Variants in LIMD1 observed in about 807,000 individuals in gnomAD.
The protein encoded by LIMD1 is LIM domain-containing protein 1.
LIMD1 carries 23 observed loss-of-function variants against 58.4 expected under a neutral mutation model. That is an observed-to-expected ratio of 0.39 (90% CI 0.28 to 0.56). LIMD1 has a LOEUF of 0.56. Ranked by LOEUF, LIMD1 falls within the 20% of genes least tolerant of loss-of-function variation. The pLI is 0.57. For synonymous variants in LIMD1, 334 were observed against 345.5 expected (o/e 0.97, Z 0.37); for missense variants, 838 against 855.5 (o/e 0.98, Z 0.25).
intron 1 of LIMD1, among the ~76,000 whole-genome samples, chr3:45,624,318 TG>T (rs1181449678): frequency 2.6e-5 from 4 of 152,012 alleles, no homozygotes; most frequent in Non-Finnish European, 5.9e-5. Context: ...CCTTCTTCAC[TG>T]AGAGGGAAGT....
chr3:45,649,759 T>TTA lies in LIMD1; in HGVS notation c.1510+13517_1510+13518dup, dbSNP rs570443903. ...ATATATTTATATATAATTATATATT[T>TTA]TATATATATAATTATATATATAAAA... On this transcript the variant is annotated intron_variant, in intron 2 of 7. Transcript: ENST00000273317. 7.7e-4 allele frequency among the ~76,000 whole-genome samples: 113 copies of TTA among 146,126 alleles called. 1 individual carries two copies. The highest frequency in any genetic ancestry group is 2.7e-3 in the African/African-American group (110 of 40,332).
intron 2 of LIMD1, among the ~76,000 whole-genome samples, chr3:45,640,469 C>T (rs1559520528): frequency 6.6e-6 from 1 of 152,066 alleles, no homozygotes; most frequent in African/African-American, 2.4e-5. Flanking sequence ...ACTCTGTTGC[C>T]CAGGCTGGAG....
rs1186483865 is a variant in LIMD1 at position 45,595,810 on chromosome 3, C to A, written c.931C>A (p.Leu311Ile). The A allele has an allele frequency of 6.2e-7, 1 of 1,614,202 alleles. No homozygotes were observed. Among genetic ancestry groups the A allele is most frequent in the Admixed American group, 1.7e-5 (1 of 60,032 alleles). ...CCTGAGCTGCCCCAGGCAAGGAGGT[C>A]TTCCAAGATCAAACTCGGGGCTGGG... ...LALSCPRQGG[L>I]PRSNSGLGGE... The change falls in exon 1 of 8, where the codon CTT becomes ATT. Residue 311 changes from leucine to isoleucine, a missense_variant. Physicochemically the swap from Leu to Ile is conservative, Grantham distance 5 (BLOSUM62 2). This residue lies in a region of LIMD1 where 659 missense variants were observed against 639.8 expected (regional missense o/e 1.03). Coordinates refer to ENST00000273317, the MANE Select transcript of LIMD1 (RefSeq NM_014240.3).
chr3:45,645,308 C>A (rs945217561), intron 2 of LIMD1, among the ~76,000 whole-genome samples: 1 of 152,200 alleles, frequency 6.6e-6, no homozygotes, highest in Non-Finnish European at 1.5e-5. Context: ...CAGTCAGAGG[C>A]CAGGAAGTCC....
chr3:45,673,645 G>A, intron 6 of LIMD1, 140 bp downstream of exon 6: 3 of 755,824 alleles, frequency 4.0e-6, no homozygotes, highest in African/African-American at 2.1e-5. Context: ...TGGTGCAGTG[G>A]CTCACGCCTG....
rs1192805930 is a variant in LIMD1, at chr3:45,595,203, T to C, written c.324T>C (p.Ala108=). ...TVDGAAKPPL[A]ASTGAPGAVT... The stretch of plus-strand genomic sequence containing the variant: ...ATGGTGCTGCCAAGCCTCCTCTTGC[T>C]GCCTCGACAGGGGCACCTGGGGCAG... Residue 108 remains alanine (A), a synonymous_variant, in exon 1 of 8, where the codon GCT becomes GCC. Transcript: ENST00000273317. The C allele has an allele frequency of 6.2e-7, 1 of 1,602,366 alleles. No individual in the cohort carries two copies. The highest frequency in any genetic ancestry group is 1.7e-5 in the Admixed American group (1 of 59,608).
chr3:45,614,324 G>A (rs1701556401), intron 1 of LIMD1, among the ~76,000 whole-genome samples: 2 of 150,808 alleles, frequency 1.3e-5, no homozygotes, highest in African/African-American at 4.9e-5. Flanking sequence ...TCAGGAGATC[G>A]AGACCATCCT....
intron 2 of LIMD1, among the ~76,000 whole-genome samples, chr3:45,645,760 C>T (rs1478118786): frequency 9.2e-5 from 14 of 152,118 alleles, no homozygotes; most frequent in Admixed American, 7.9e-4. Context: ...CTGAGGGTAT[C>T]CCTTCTTCAT....
intron 1 of LIMD1, among the ~76,000 whole-genome samples, chr3:45,629,685 C>T (rs1286924415): frequency 2.6e-5 from 4 of 152,150 alleles, no homozygotes; most frequent in African/African-American, 4.8e-5. Context: ...AACACATCAG[C>T]GGAAGAAGAT....
chr3:45,678,765 A>C lies in LIMD1; in HGVS notation c.*1706A>C, dbSNP rs1697703232. 1 of 152,226 alleles carries C rather than the reference A, an allele frequency of 6.6e-6. No individual in the cohort carries two copies. Among genetic ancestry groups the C allele is most frequent in the South Asian group, 2.1e-4 (1 of 4,836 alleles). The allele number at this position is 152,226 out of a possible 1,614,324, so 9.4% of individuals were successfully genotyped here. A position where few individuals can be genotyped will look rare whatever the true frequency, so the allele number is the denominator to read the frequency against. On this transcript the variant is annotated 3_prime_UTR_variant, in exon 8 of 8. Transcript: ENST00000273317. ...TTTCATTGGGCCCGGCTCCACTTCT[A>C]GGCCATGTTTTGACTCATTTGGTAA...
At chr3:45,663,052 C>A (rs545798725) in intron 2 of LIMD1, among the ~76,000 whole-genome samples, 3 of 151,876 alleles carry the variant, frequency 2.0e-5, no homozygotes, top group South Asian at 4.1e-4. Context: ...TACACATATA[C>A]GATCATTGGT....
rs756823236 is a variant in LIMD1 at position 45,683,778 on chromosome 3, C to G, written c.*6719C>G. 1 of 152,190 alleles carries G rather than the reference C, an allele frequency of 6.6e-6. No homozygotes were observed. Among genetic ancestry groups the G allele is most frequent in the African/African-American group, 2.4e-5 (1 of 41,446 alleles). 9.4% of individuals were successfully genotyped at this position (152,190 alleles called of 1,614,324 possible). A position where few individuals can be genotyped will look rare whatever the true frequency, so the allele number is the denominator to read the frequency against. On this transcript the variant is annotated 3_prime_UTR_variant, in exon 8 of 8. Coordinates refer to ENST00000273317, the MANE Select transcript of LIMD1 (RefSeq NM_014240.3). Reference sequence around the variant, plus strand: ...GCTCCCACCCTGTGGAGCGTACTTTCGTTTTTCAATAAATCTCTTTTGTTG... The same window carrying G: ...GCTCCCACCCTGTGGAGCGTACTTTGGTTTTTCAATAAATCTCTTTTGTTG...
chr3:45,656,247 T>G (rs988593570), intron 2 of LIMD1, among the ~76,000 whole-genome samples: 1 of 152,232 alleles, frequency 6.6e-6, no homozygotes, highest in African/African-American at 2.4e-5. Context: ...CACTTTATGG[T>G]ATTTTGTTCT....
chr3:45,625,695 A>G (rs1351362865), intron 1 of LIMD1, among the ~76,000 whole-genome samples: 1 of 152,058 alleles, frequency 6.6e-6, no homozygotes, highest in Admixed American at 6.5e-5. Context: ...TTCCTGGTAA[A>G]AGGATGGATT....
At chr3:45,612,085 C>T (rs9852428) in intron 1 of LIMD1, among the ~76,000 whole-genome samples, 5,757 of 151,918 alleles carry the variant, frequency 0.038, 321 homozygotes, top group African/African-American at 0.11. Flanking sequence ...CTCTCTCTCT[C>T]TCTCTCTCTC....
At chr3:45,619,821 A>ACC (rs1246355012) in intron 1 of LIMD1, among the ~76,000 whole-genome samples, 88 of 56,538 alleles carry the variant, frequency 1.6e-3, no homozygotes, top group Non-Finnish European at 2.1e-3. Context: ...ATAATAACCA[A>ACC]CCCCCCGCCC....
rs998696915 is a variant in LIMD1, at chr3:45,684,881, T to G, written c.*7822T>G. 6.6e-6 allele frequency: 1 copy of G among 152,212 alleles called. No individual in the cohort carries two copies. The allele number at this position is 152,212 out of a possible 1,614,324, so 9.4% of individuals were successfully genotyped here. ...AAGCTTCTAGCTTGCTTATTTATGC[T>G]TGCAGCTTGACTTTTCAGGCTGCTT... On this transcript the variant is annotated 3_prime_UTR_variant, in exon 8 of 8. Transcript: ENST00000273317.
At chr3:45,668,116 C>T (rs1411772718) in intron 3 of LIMD1, among the ~76,000 whole-genome samples, 178 bp from the exon 4 acceptor site, 1 of 152,178 alleles carries the variant, frequency 6.6e-6, no homozygotes, top group Non-Finnish European at 1.5e-5. Flanking sequence ...TGATGGCTTT[C>T]GTGGCAGAGA....
At position 45,682,729 on chromosome 3, in the gene LIMD1, T is replaced by A. The variant is rs922379486; in HGVS notation, c.*5670T>A. 6.6e-6 allele frequency: 1 copy of A among 152,258 alleles called. No individual in the cohort carries two copies. Among genetic ancestry groups the A allele is most frequent in the African/African-American group, 2.4e-5 (1 of 41,468 alleles). 9.4% of individuals were successfully genotyped at this position (152,258 alleles called of 1,614,324 possible). On this transcript the variant is annotated 3_prime_UTR_variant, in exon 8 of 8. Coordinates refer to ENST00000273317, the MANE Select transcript of LIMD1 (RefSeq NM_014240.3). Reference sequence around the variant, plus strand: ...TGTCTTGACCACTCTACTACTCTGGTTGATGGGAGGCAGTAAATTGTCCAT... The same window carrying A: ...TGTCTTGACCACTCTACTACTCTGGATGATGGGAGGCAGTAAATTGTCCAT...
Sources: allele counts gnomAD v4.1 joint callset (sites outside exome capture counted in the v4.1 genomes callset), GRCh38; gene constraint gnomAD v4.1.1; regional missense constraint gnomAD v4.1.1; transcripts MANE v1.5; gene names NCBI Gene and HGNC (gene_info 2026-07-23, HGNC 2026-07-21).